The following PER3 variants were observed in gnomAD, a reference collection of about 807,000 sequenced individuals.
PER3 encodes period circadian protein homolog 3.
In PER3, 107 loss-of-function variants were observed where a neutral mutation model predicts 127.2. That is an observed-to-expected ratio of 0.84 (90% confidence interval 0.72 to 0.99). The LOEUF (loss-of-function observed/expected upper bound fraction) is 0.99. PER3 is among the 50% of genes least tolerant of loss of function. PER3 has a pLI of 0.00. For missense variants in PER3, 1,560 were observed against 1,525.8 expected (o/e 1.02, Z -0.37); for synonymous variants, 618 against 585.8 (o/e 1.05, Z -0.79).
chr1:7,794,534 T>C (rs575878997), intron 6 of PER3, among the ~76,000 whole-genome samples: 1 of 152,284 alleles, frequency 6.6e-6, no homozygotes, highest in South Asian at 2.1e-4. Flanking sequence ...GAAAAAAGTC[T>C]AGAAAAATAA....
chr1:7,820,582 G>T lies in PER3; in HGVS notation c.1899G>T (p.Ser633=), dbSNP rs753786604. ...CCACGGCGATGCTGAGCTTGGGGTCGGGCATAAGCCAATGCGGTTACAGCA... is the reference window on the plus strand; with the variant it reads ...CCACGGCGATGCTGAGCTTGGGGTCTGGCATAAGCCAATGCGGTTACAGCA... ...ILSTAMLSLG[S]GISQCGYSST... Residue 633 remains serine, a synonymous_variant, in exon 16 of 22, where the codon TCG becomes TCT. Transcript: ENST00000377532. 2 of 1,614,056 alleles carry T rather than the reference G, an allele frequency of 1.2e-6. No individual in the cohort carries two copies. The highest frequency in any genetic ancestry group is 1.7e-6 in the Non-Finnish European group (2 of 1,180,008).
intron 19 of PER3, among the ~76,000 whole-genome samples, chr1:7,832,619 C>T (rs115151608): frequency 0.049 from 7,413 of 152,064 alleles, 627 homozygotes; most frequent in East Asian, 0.27. Flanking sequence ...ATGATTCGCC[C>T]GCCTTGGCCT....
At chr1:7,785,147 G>A in intron 2 of PER3, 142 bp downstream of exon 2, 1 of 918,458 alleles carries the variant, frequency 1.1e-6, no homozygotes, top group East Asian at 2.7e-5. Flanking sequence ...AATGTAGGAT[G>A]AAGTGATCCG....
At chr1:7,830,379 AGT>A (rs1041152055) in intron 19 of PER3, among the ~76,000 whole-genome samples, 3 of 152,138 alleles carry the variant, frequency 2.0e-5, no homozygotes, top group African/African-American at 7.2e-5. Flanking sequence ...TGTGTACCTT[AGT>A]GTAAGCGCTA....
At chr1:7,800,178 C>G (rs2097164260) in intron 7 of PER3, among the ~76,000 whole-genome samples, 1 of 151,628 alleles carries the variant, frequency 6.6e-6, no homozygotes, top group South Asian at 2.1e-4. Context: ...GAGATATTAG[C>G]ATTTGCTCAT....
intron 19 of PER3, among the ~76,000 whole-genome samples, chr1:7,830,665 G>A (rs1365848718): frequency 6.6e-6 from 1 of 152,170 alleles, no homozygotes; most frequent in Admixed American, 6.5e-5. Flanking sequence ...ATGGTATGAG[G>A]AAGGGTCAAT....
At chr1:7,813,638 T>C (rs1033668760) in intron 13 of PER3, among the ~76,000 whole-genome samples, 2 of 152,100 alleles carry the variant, frequency 1.3e-5, no homozygotes, top group African/African-American at 4.8e-5. Flanking sequence ...GCAAGAAGTA[T>C]AACTAGAGGA....
chr1:7,832,459 C>T (rs2097336210), intron 19 of PER3, among the ~76,000 whole-genome samples: 1 of 149,320 alleles, frequency 6.7e-6, no homozygotes, highest in Admixed American at 6.7e-5. Context: ...CTGCAACCTC[C>T]ACCTCCCAGG....
chr1:7,804,955 G>A (rs1365686153), intron 10 of PER3, among the ~76,000 whole-genome samples: 5 of 150,234 alleles, frequency 3.3e-5, no homozygotes, highest in Admixed American at 6.7e-5. Context: ...TGCAACTTCC[G>A]CCTCCTGGGT....
intron 19 of PER3, among the ~76,000 whole-genome samples, chr1:7,831,503 T>C (rs2097331484): frequency 6.6e-6 from 1 of 152,172 alleles, no homozygotes; most frequent in Non-Finnish European, 1.5e-5. Context: ...AATAGGAAAA[T>C]AGACACTTGC....
At chr1:7,817,334 C>T (rs965317121) in intron 13 of PER3, among the ~76,000 whole-genome samples, 24 of 152,174 alleles carry the variant, frequency 1.6e-4, no homozygotes, top group Admixed American at 1.6e-3. Context: ...CAGGCATTGA[C>T]AACTGAGTCC....
rs2097402759 is a variant in PER3 at position 7,844,282 on chromosome 1, G to C, written c.*1527G>C. The stretch of plus-strand genomic sequence containing the variant: ...CCTTTGACAGTTCTTGGAATTTTCT[G>C]ATATTAAGCAGTTCCATGCAAATAT... On this transcript the variant is annotated 3_prime_UTR_variant, in exon 22 of 22. Transcript: ENST00000377532. 1 of 166,454 alleles carries C rather than the reference G, an allele frequency of 6.0e-6. No individual in the cohort carries two copies. Among genetic ancestry groups the C allele is most frequent in the Admixed American group, 6.4e-5 (1 of 15,614 alleles). 10.3% of individuals were successfully genotyped at this position (166,454 alleles called of 1,614,324 possible).
At chr1:7,789,140 A>AATATATATATATATATATATATATAT (rs59535110) in intron 5 of PER3, among the ~76,000 whole-genome samples, 3 of 133,160 alleles carry the variant, frequency 2.3e-5, no homozygotes, top group Admixed American at 1.5e-4. Flanking sequence ...AGAGCTTTAA[A>AATATATATATATATATATATATATAT]ATATATATAT....
rs2097401491 is a variant in PER3 at position 7,843,851 on chromosome 1, G to A, written c.*1096G>A. Reference sequence around the variant, plus strand: ...TGTAGTTGTGTCTTTTAAGAAGTGAGTGTGATTGTTTACTTGATAAATCAG... The same window carrying A: ...TGTAGTTGTGTCTTTTAAGAAGTGAATGTGATTGTTTACTTGATAAATCAG... On this transcript the variant is annotated 3_prime_UTR_variant, in exon 22 of 22. Transcript: ENST00000377532. 3.5e-6 allele frequency: 4 copies of A among 1,135,770 alleles called. No homozygotes were observed. The highest frequency in any genetic ancestry group is 3.5e-5 in the Admixed American group (1 of 28,826). The allele number at this position is 1,135,770 out of a possible 1,614,324, so 70.4% of individuals were successfully genotyped here. A position where few individuals can be genotyped will look rare whatever the true frequency, so the allele number is the denominator to read the frequency against.
At chr1:7,836,555 C>A (rs752005939) in intron 20 of PER3, among the ~76,000 whole-genome samples, 1 of 152,110 alleles carries the variant, frequency 6.6e-6, no homozygotes, top group African/African-American at 2.4e-5. Context: ...AATGTGTCTT[C>A]AAATTTATTC....
Position 7,821,859 on chromosome 1 carries a change from T to C in PER3, c.1957+1219T>C, listed in dbSNP as rs17031612. On this transcript the variant is annotated intron_variant, in intron 16 of 21. Transcript: ENST00000377532. ...TGTCTTTTGCTTTCTGAAAAGCTCA[T>C]ATTCATTAGCTCAGTTTGCATCCTG... Among the ~76,000 whole-genome samples the C allele has an allele frequency of 5.7e-3, 874 of 152,362 alleles. 12 individuals carry two copies. The highest frequency in any genetic ancestry group is 0.02 in the African/African-American group (811 of 41,586).
rs2097401574 is a variant in PER3 at position 7,843,880 on chromosome 1, A to T, written c.*1125A>T. 4.0e-6 allele frequency: 5 copies of T among 1,238,726 alleles called. No homozygotes were observed. In the South Asian group the frequency reaches 7.1e-5, roughly 18 times the overall value. The allele number at this position is 1,238,726 out of a possible 1,614,324, so 76.7% of individuals were successfully genotyped here. A position where few individuals can be genotyped will look rare whatever the true frequency, so the allele number is the denominator to read the frequency against. On this transcript the variant is annotated 3_prime_UTR_variant, in exon 22 of 22. Transcript: ENST00000377532. ...GATTGTTTACTTGATAAATCAGCTC[A>T]CTCTCTGGTGCTTTTTAGAGAAGTC...
chr1:7,814,672 A>G (rs763070161), intron 13 of PER3, among the ~76,000 whole-genome samples: 8 of 152,218 alleles, frequency 5.3e-5, no homozygotes, highest in Non-Finnish European at 7.3e-5. Flanking sequence ...TGAAGATAAA[A>G]TAAATTCTAT....
rs542710412 is a variant in PER3, at chr1:7,828,669, G to A, written c.2886+854G>A. ...AAGCCTGGGCTATGGATTAAGACAC[G>A]GATTCAAATCCCAGCTCGGTCACTA... On this transcript the variant is annotated intron_variant, in intron 18 of 21. Coordinates refer to ENST00000377532, the MANE Select transcript of PER3 (RefSeq NM_001377275.1). Among the ~76,000 whole-genome samples, 61 of 152,264 alleles carry A rather than the reference G, an allele frequency of 4.0e-4. No homozygotes were observed. In the Middle Eastern group the frequency reaches 0.01, roughly 25 times the overall value.
Sources: gnomAD v4.1 joint callset for allele counts (sites outside exome capture counted in the v4.1 genomes callset) on GRCh38, gnomAD v4.1.1 for gene constraint, MANE v1.5 for transcripts, NCBI Gene and HGNC (gene_info 2026-07-23, HGNC 2026-07-21) for gene names.